MEIS2: variants seen among roughly 807,000 people sequenced by gnomAD.
MEIS2 encodes Meis homeobox 2.
Under a neutral mutation model 58.6 loss-of-function variants are expected in MEIS2, and 9 were observed. The ratio of observed to expected loss-of-function variants is 0.15; its 90% CI spans 0.09 to 0.27. MEIS2 has a LOEUF of 0.27. Among genes scored for constraint, MEIS2 ranks in the 10% least tolerant of loss-of-function variants. The pLI is 1.00. For missense variants in MEIS2, 427 were observed against 635.0 expected (o/e 0.67, Z 3.52); for synonymous variants, 221 against 228.4 (o/e 0.97, Z 0.29).
intron 8 of MEIS2, among the ~76,000 whole-genome samples, chr15:37,020,674 C>CTTTT (rs556555396): frequency 1.4e-5 from 2 of 138,740 alleles, no homozygotes; most frequent in Non-Finnish European, 3.1e-5. Context: ...GCATTCTGGT[C>CTTTT]TTTTTTTTTT....
intron 7 of MEIS2, among the ~76,000 whole-genome samples, chr15:37,043,739 G>A (rs1328693785): frequency 1.4e-5 from 2 of 142,874 alleles, no homozygotes; most frequent in African/African-American, 2.7e-5. Flanking sequence ...CCGGGCTGGA[G>A]TGCAGTGGCG....
chr15:37,047,737 T>C (rs1383402819), intron 7 of MEIS2, among the ~76,000 whole-genome samples: 3 of 152,148 alleles, frequency 2.0e-5, no homozygotes, highest in Non-Finnish European at 2.9e-5. Flanking sequence ...AGAAAAAAGG[T>C]GGTCGGAGGG....
At chr15:36,932,431 C>T (rs2058017312) in intron 9 of MEIS2, among the ~76,000 whole-genome samples, 2 of 151,992 alleles carry the variant, frequency 1.3e-5, no homozygotes, top group African/African-American at 4.8e-5. Context: ...AAGTGAGAAC[C>T]ATCTGTTGCC....
intron 7 of MEIS2, among the ~76,000 whole-genome samples, chr15:37,077,195 G>A (rs766486103): frequency 6.6e-6 from 1 of 152,034 alleles, no homozygotes; most frequent in Non-Finnish European, 1.5e-5. Flanking sequence ...ACCCTGATCC[G>A]TGTGAGGAAA....
At chr15:37,059,809 C>G (rs973322450) in intron 7 of MEIS2, among the ~76,000 whole-genome samples, 1 of 152,072 alleles carries the variant, frequency 6.6e-6, no homozygotes, top group Non-Finnish European at 1.5e-5. Context: ...GGTGTGGTGG[C>G]ACACACCTGT....
At position 36,892,378 on chromosome 15, in the gene MEIS2, G is replaced by A; in HGVS notation, c.1229C>T (p.Pro410Leu). The A allele has an allele frequency of 6.2e-7, 1 of 1,613,982 alleles. No individual in the cohort carries two copies. ...MSMAQPSYTP[P>L]QMTPHPTQLR... ...TTGAGTAGGGTGTGGGGTCATCTGG[G>A]GAGGAGTGTAACTTGGCTGTGCCAT... The change falls in exon 12 of 12, where the codon CCC (proline) becomes CTC (leucine). Residue 410 changes from proline (P) to leucine (L), a missense_variant. Physicochemically the swap from Pro to Leu is moderately conservative, Grantham distance 98 (BLOSUM62 -3). This residue lies in a region of MEIS2 where 154 missense variants were observed against 148.1 expected (regional missense o/e 1.04). Transcript: ENST00000561208.
intron 8 of MEIS2, among the ~76,000 whole-genome samples, chr15:36,978,074 G>A (rs1181227055): frequency 6.6e-6 from 1 of 152,118 alleles, no homozygotes; most frequent in Non-Finnish European, 1.5e-5. Flanking sequence ...TGAAACCATG[G>A]ATTAAATGTA....
At chr15:36,928,905 A>G (rs1259457941) in intron 9 of MEIS2, among the ~76,000 whole-genome samples, 1 of 152,200 alleles carries the variant, frequency 6.6e-6, no homozygotes, top group Non-Finnish European at 1.5e-5. Flanking sequence ...AATGAGTGGC[A>G]CTGCTTATAA....
At chr15:36,932,338 A>G (rs1279951715) in intron 9 of MEIS2, among the ~76,000 whole-genome samples, 1 of 152,204 alleles carries the variant, frequency 6.6e-6, no homozygotes, top group East Asian at 1.9e-4. Context: ...CAGAGTGCTC[A>G]GGCCTCTATA....
chr15:36,924,737 A>T (rs1036396762), intron 9 of MEIS2, among the ~76,000 whole-genome samples: 1 of 152,186 alleles, frequency 6.6e-6, no homozygotes, highest in Non-Finnish European at 1.5e-5. Flanking sequence ...ACATTTTAGC[A>T]TCTAGGCCCC....
At chr15:37,025,459 G>A (rs886319293) in intron 8 of MEIS2, among the ~76,000 whole-genome samples, 3 of 152,034 alleles carry the variant, frequency 2.0e-5, no homozygotes, top group South Asian at 2.1e-4. Flanking sequence ...TTCTTTCACC[G>A]TGCCCTGAAA....
chr15:37,031,343 T>C lies in MEIS2; in HGVS notation c.900+5471A>G, dbSNP rs114784211. 2.0e-3 allele frequency among the ~76,000 whole-genome samples: 301 copies of C among 152,154 alleles called. 1 individual carries two copies. Among genetic ancestry groups the C allele is most frequent in the African/African-American group, 7.0e-3 (291 of 41,512 alleles). On this transcript the variant is annotated intron_variant, in intron 8 of 11. Coordinates refer to ENST00000561208, the MANE Select transcript of MEIS2 (RefSeq NM_170675.5). ...TGGATCTGCACAAGATAAAGATAAC[T>C]AGTCAAAGGGCAAAATAGTCTAAGT...
intron 11 of MEIS2, among the ~76,000 whole-genome samples, chr15:36,893,514 G>A (rs2055999646): frequency 6.6e-6 from 1 of 152,174 alleles, no homozygotes; most frequent in Admixed American, 6.5e-5. Context: ...CTGCTCAATG[G>A]ATGATGATAA....
intron 9 of MEIS2, 99 bp from the exon 10 acceptor site, chr15:36,896,785 C>T (rs1463628632): frequency 3.2e-6 from 3 of 945,026 alleles, no homozygotes; most frequent in Non-Finnish European, 5.0e-6. Context: ...AGTCAAATCT[C>T]TTCTGAAAAT....
At chr15:37,031,168 T>C (rs766346695) in intron 8 of MEIS2, among the ~76,000 whole-genome samples, 7 of 152,158 alleles carry the variant, frequency 4.6e-5, no homozygotes, top group Non-Finnish European at 8.8e-5. Flanking sequence ...CCTTACCAGG[T>C]GGAACTAGAA....
intron 8 of MEIS2, among the ~76,000 whole-genome samples, chr15:37,033,601 T>G (rs1405990453): frequency 6.6e-6 from 1 of 152,140 alleles, no homozygotes; most frequent in Admixed American, 6.5e-5. Context: ...GTAAAGAAAT[T>G]TACATGAAAT....
intron 8 of MEIS2, among the ~76,000 whole-genome samples, chr15:36,955,722 C>G (rs2058936241): frequency 6.6e-6 from 1 of 152,144 alleles, no homozygotes; most frequent in Non-Finnish European, 1.5e-5. Flanking sequence ...AAATCCTTTG[C>G]TATTCTACTG....
At chr15:36,968,305 T>A (rs1362846926) in intron 8 of MEIS2, among the ~76,000 whole-genome samples, 42 of 152,172 alleles carry the variant, frequency 2.8e-4, no homozygotes, top group Admixed American at 2.7e-3. Context: ...GAAATTTCTT[T>A]GTAGGAAGAA....
At chr15:37,023,949 T>C (rs1442578993) in intron 8 of MEIS2, among the ~76,000 whole-genome samples, 2 of 150,604 alleles carry the variant, frequency 1.3e-5, no homozygotes, top group Non-Finnish European at 3.0e-5. Flanking sequence ...AGTTTTGTTT[T>C]GTTGCCCAGG....
Sources: allele counts gnomAD v4.1 joint callset (sites outside exome capture counted in the v4.1 genomes callset), GRCh38; gene constraint gnomAD v4.1.1; regional missense constraint gnomAD v4.1.1; transcripts MANE v1.5; gene names NCBI Gene and HGNC (gene_info 2026-07-23, HGNC 2026-07-21).